Variants in LAX1 observed in about 807,000 individuals in gnomAD.
LAX1 encodes lymphocyte transmembrane adapter 1.
Under a neutral mutation model 20.7 loss-of-function variants are expected in LAX1, and 17 were observed. The ratio of observed to expected loss-of-function variants is 0.82; its 90% CI spans 0.56 to 1.23. LAX1 has a LOEUF of 1.23. Among genes scored for constraint, LAX1 ranks in the 50% most tolerant of loss-of-function variants. The pLI, the probability that LAX1 is intolerant of heterozygous loss-of-function variation, is 0.00. For synonymous variants in LAX1, 165 were observed against 181.0 expected (o/e 0.91, Z 0.71); for missense variants, 470 against 487.0 (o/e 0.97, Z 0.33).
At position 203,770,878 on chromosome 1, in the gene LAX1, C is replaced by G. The variant is rs373418170; in HGVS notation, c.140C>G (p.Ala47Gly). 2 of 1,614,100 alleles carry G rather than the reference C, an allele frequency of 1.2e-6. No individual in the cohort carries two copies. The highest frequency in any genetic ancestry group is 2.7e-5 in the African/African-American group (2 of 74,940). ...TTTTCCGGGTTTGCGGGACTCCTCGCCATCCTCCTGGTCGTTGCGGTTTTC... is the reference window on the plus strand; with the variant it reads ...TTTTCCGGGTTTGCGGGACTCCTCGGCATCCTCCTGGTCGTTGCGGTTTTC... ...NIFSGFAGLL[A>G]ILLVVAVFCI... Residue 47 changes from alanine to glycine, a missense_variant, in exon 2 of 5, where the codon GCC becomes GGC. Physicochemically the swap from Ala to Gly is moderately conservative, Grantham distance 60. Transcript: ENST00000442561.
rs1667473469 is a variant in LAX1 at position 203,774,319 on chromosome 1, A to G, written c.835A>G (p.Ile279Val). Residue 279 changes from isoleucine (I) to valine (V), a missense_variant, in exon 5 of 5, where the codon ATC (isoleucine) becomes GTC (valine). Ile to Val is a conservative substitution (Grantham distance 29, BLOSUM62 3). Transcript: ENST00000442561. ...CATGACAGGGTTGGATCTCAGTGCC[A>G]TCCAGGAAAGGCAGCTCTGGGTGGC... ...VNMTGLDLSAIQERQLWVAFQ... is the reference protein window; with the variant it reads ...VNMTGLDLSAVQERQLWVAFQ... 3 of 1,614,084 alleles carry G rather than the reference A, an allele frequency of 1.9e-6. No homozygotes were observed. The highest frequency in any genetic ancestry group is 1.6e-4 in the Middle Eastern group (1 of 6,084).
At chr1:203,771,575 AAACCTGT>A in intron 3 of LAX1, 98 bp downstream of exon 3, 1 of 802,690 alleles carries the variant, frequency 1.2e-6, no homozygotes, top group African/African-American at 1.7e-5. Flanking sequence ...TTAAGTTCTC[AAACCTGT>A]TTGCCCTTCA....
At position 203,766,496 on chromosome 1, in the gene LAX1, G is replaced by T. The variant is rs1258632139; in HGVS notation, c.89+842G>T. ...CTGTCTCAAAAAATAAAATAAAATTGCAGTCGTTTGGGGAAATAAATGTTA... is the reference window on the plus strand; with the variant it reads ...CTGTCTCAAAAAATAAAATAAAATTTCAGTCGTTTGGGGAAATAAATGTTA... On this transcript the variant is annotated intron_variant, in intron 1 of 4. Coordinates refer to ENST00000442561, the MANE Select transcript of LAX1 (RefSeq NM_017773.4). Among the ~76,000 whole-genome samples, 6 of 152,104 alleles carry T rather than the reference G, an allele frequency of 3.9e-5. No individual in the cohort carries two copies. The South Asian group carries it at 1.2e-3, about 32-fold the overall frequency.
chr1:203,772,015 C>T (rs1219960828), intron 3 of LAX1, 53 bp from the exon 4 acceptor site: 1 of 1,390,280 alleles, frequency 7.2e-7, no homozygotes, highest in Non-Finnish European at 1.0e-6. Flanking sequence ...ATTATTTGGA[C>T]TGAAGCACTC....
rs369192148 is a variant in LAX1, at chr1:203,765,592, G to C, written c.27G>C (p.Ser9=). The change falls in exon 1 of 5, where the codon TCG becomes TCC. Residue 9 remains serine (S), a synonymous_variant. Transcript: ENST00000442561. MDGVTPTL[S]TIRGRTLESS... is the part of the protein sequence containing the mutation. ...TGGATGGTGTCACTCCAACCCTTTC[G>C]ACAATCAGAGGGAGGACCTTGGAGT... The C allele has an allele frequency of 3.1e-6, 5 of 1,614,022 alleles. No homozygotes were observed. Among genetic ancestry groups the C allele is most frequent in the Non-Finnish European group, 4.2e-6 (5 of 1,180,040 alleles).
chr1:203,766,935 A>T (rs902741761), intron 1 of LAX1, among the ~76,000 whole-genome samples: 2 of 151,962 alleles, frequency 1.3e-5, no homozygotes, highest in Non-Finnish European at 2.9e-5. Context: ...GGCTCACTGC[A>T]GCCTCCACCT....
intron 1 of LAX1, among the ~76,000 whole-genome samples, chr1:203,770,569 G>GAAAGAAAGAA (rs749562137): frequency 2.0e-5 from 3 of 151,034 alleles, no homozygotes; most frequent in Non-Finnish European, 3.0e-5. Flanking sequence ...AAGAAAGAAA[G>GAAAGAAAGAA]AGATTAATAA....
At position 203,770,557 on chromosome 1, in the gene LAX1, G is replaced by GAAAGAAAGAA. The variant is rs1667402989; in HGVS notation, c.90-269_90-260dup. ...AGAAAGAAAGAAAGAAAGAAAGAAAGAAAGAAAGAAAGAGATTAATAAGTT... is the reference window on the plus strand; with the variant it reads ...AGAAAGAAAGAAAGAAAGAAAGAAAGAAAGAAAGAAAAAGAAAGAAAGAGATTAATAAGTT... On this transcript the variant is annotated intron_variant, in intron 1 of 4. Transcript: ENST00000442561. 8.5e-5 allele frequency among the ~76,000 whole-genome samples: 10 copies of GAAAGAAAGAA among 117,320 alleles called. 2 individuals carry two copies. Among genetic ancestry groups the GAAAGAAAGAA allele is most frequent in the African/African-American group, 3.2e-4 (10 of 31,202 alleles). The allele number at this position is 117,320 out of a possible 152,430, so 77.0% of individuals were successfully genotyped here. A position where few individuals can be genotyped will look rare whatever the true frequency, so the allele number is the denominator to read the frequency against.
chr1:203,771,061 T>C (rs2102267513), intron 2 of LAX1, 124 bp downstream of exon 2: 1 of 779,164 alleles, frequency 1.3e-6, no homozygotes, highest in Middle Eastern at 2.4e-4. Context: ...TCTTACCCGA[T>C]ACATTGGCCA....
chr1:203,767,693 A>T (rs919339809), intron 1 of LAX1, among the ~76,000 whole-genome samples: 5 of 152,152 alleles, frequency 3.3e-5, no homozygotes, highest in African/African-American at 1.2e-4. Flanking sequence ...TTCTATATTA[A>T]TTCATTTGTT....
rs1401545834 is a variant in LAX1 at position 203,774,515 on chromosome 1, AT to A, written c.1033del (p.Tyr345MetfsTer15). 3.7e-6 allele frequency: 6 copies of A among 1,614,092 alleles called. No homozygotes were observed. Among genetic ancestry groups the A allele is most frequent in the Non-Finnish European group, 4.2e-6 (5 of 1,180,028 alleles). ...AAAAGGACATTCCTTGCTTCAGGGGATTATGCAGACTTTCAGCCATTCACAC... is the reference window on the plus strand; with the variant it reads ...AAAAGGACATTCCTTGCTTCAGGGGATATGCAGACTTTCAGCCATTCACAC... ...CVKRTFLASG[D>X]YADFQPFTQS... On this transcript the variant is annotated frameshift_variant, in exon 5 of 5. Coordinates refer to ENST00000442561, the MANE Select transcript of LAX1 (RefSeq NM_017773.4). LOFTEE classifies it low-confidence loss of function (END_TRUNC).
Position 203,765,344 on chromosome 1 carries a change from T to A in LAX1, c.-222T>A. The A allele has an allele frequency of 6.5e-7, 1 of 1,545,462 alleles. No homozygotes were observed. The highest frequency in any genetic ancestry group is 8.8e-7 in the Non-Finnish European group (1 of 1,141,340). ...CTCACTTGGAAGCACCATGTCCGGATGAGATCGCACTTCCTGCAGTGGGCA... is the reference window on the plus strand; with the variant it reads ...CTCACTTGGAAGCACCATGTCCGGAAGAGATCGCACTTCCTGCAGTGGGCA... On this transcript the variant is annotated 5_prime_UTR_variant, in exon 1 of 5. An upstream start codon of the reference 5' UTR is lost. Transcript: ENST00000442561.
chr1:203,770,433 A>AAGAAAGAAAGAG (rs1553254323), intron 1 of LAX1, among the ~76,000 whole-genome samples: 4 of 44,844 alleles, frequency 8.9e-5, no homozygotes, highest in Non-Finnish European at 2.0e-4. Context: ...GAAAGAAAGA[A>AAGAAAGAAAGAG]AGAGAGAGAG....
At position 203,774,861 on chromosome 1, in the gene LAX1, T is replaced by G. The variant is rs551527214; in HGVS notation, c.*180T>G. On this transcript the variant is annotated 3_prime_UTR_variant, in exon 5 of 5. Transcript: ENST00000442561. ...CCACACAAAAGCAGAGGTTTGGGAA[T>G]TCCAGAAGGGAATTCTTCTCAAGCA... 22 of 600,084 alleles carry G rather than the reference T, an allele frequency of 3.7e-5. No individual in the cohort carries two copies. In the South Asian group the frequency reaches 4.5e-4, roughly 12 times the overall value. The allele number at this position is 600,084 out of a possible 1,614,324, so 37.2% of individuals were successfully genotyped here.
At chr1:203,770,534 A>AAAGAAAGG (rs1667400774) in intron 1 of LAX1, among the ~76,000 whole-genome samples, 1 of 139,574 alleles carries the variant, frequency 7.2e-6, no homozygotes, top group Non-Finnish European at 1.5e-5. Flanking sequence ...AGAAAGAAAG[A>AAAGAAAGG]AAGAAAGAAA....
intron 1 of LAX1, among the ~76,000 whole-genome samples, chr1:203,769,977 C>T (rs1018899893): frequency 2.0e-5 from 3 of 152,152 alleles, no homozygotes; most frequent in African/African-American, 7.2e-5. Flanking sequence ...GTGGAAAGAG[C>T]ATGGTCTTTG....
chr1:203,770,483 AAGGAAGGAAGGAAGGAAGGAAGGAAGG>A (rs1667393285), intron 1 of LAX1, among the ~76,000 whole-genome samples: 2 of 68,482 alleles, frequency 2.9e-5, no homozygotes, highest in African/African-American at 1.0e-4. Flanking sequence ...GGAAGGAAGG[AAGGAAGGAAGGAAGGAAGGAAGGAAGG>A]AAGAAAGAAA....
Sources: gnomAD v4.1 joint callset for allele counts (sites outside exome capture counted in the v4.1 genomes callset) on GRCh38, gnomAD v4.1.1 for gene constraint, MANE v1.5 for transcripts, NCBI Gene and HGNC (gene_info 2026-07-23, HGNC 2026-07-21) for gene names.